Variants in ZNF486 observed in about 807,000 individuals in gnomAD.
ZNF486 encodes zinc finger protein 486, also known as KRAB box only protein 2.
In ZNF486, 12 loss-of-function variants were observed where a neutral mutation model predicts 12.8. The ratio of observed to expected loss-of-function variants is 0.94; its 90% CI spans 0.60 to 1.52. The LOEUF (loss-of-function observed/expected upper bound fraction) is 1.52. ZNF486 is among the 40% of genes most tolerant of loss of function. The probability of loss-of-function intolerance (pLI) is 0.00; values close to 1 mark genes in which losing one functional copy is unlikely to be tolerated. For synonymous variants in ZNF486, 231 were observed against 184.9 expected, an observed-to-expected ratio of 1.25 and a Z score of -2.02; for missense variants, 738 against 545.0, an observed-to-expected ratio of 1.35 and a Z score of -3.53.
At position 20,198,092 on chromosome 19, in the gene ZNF486, C is replaced by A; in HGVS notation, c.1382C>A (p.Pro461Gln). The stretch of plus-strand genomic sequence containing the variant: ...AAGAGAATTCATATTGGACAGAAAC[C>A]AAGAACGTGACAAAGGATTATTTTA... ...KHKRIHIGQK[P>Q]RT Residue 461 changes from proline to glutamine, a missense_variant, in exon 4 of 4, where the codon CCA becomes CAA. Physicochemically the swap from Pro to Gln is moderately conservative, Grantham distance 76 (BLOSUM62 -1). Transcript: ENST00000335117. The A allele has an allele frequency of 6.3e-7, 1 of 1,581,938 alleles. No individual in the cohort carries two copies. Among genetic ancestry groups the A allele is most frequent in the Admixed American group, 1.9e-5 (1 of 53,596 alleles).
intron 1 of ZNF486, among the ~76,000 whole-genome samples, chr19:20,181,470 C>T (rs1310926990): frequency 6.7e-6 from 1 of 149,508 alleles, no homozygotes; most frequent in Admixed American, 6.8e-5. Context: ...ACCCAGGAGG[C>T]GGAGCTTGCA....
intron 1 of ZNF486, chr19:20,176,168 C>CTGCAATCTCGGTACTTTGGGAG: frequency 6.4e-6 from 1 of 155,594 alleles, no homozygotes; most frequent in East Asian, 1.8e-4. Flanking sequence ...TGGGCAGAGG[C>CTGCAATCTCGGTACTTTGGGAG]GCTCCTCATA....
At chr19:20,182,211 C>A (rs1555715689) in intron 1 of ZNF486, among the ~76,000 whole-genome samples, 1 of 152,180 alleles carries the variant, frequency 6.6e-6, no homozygotes, top group Non-Finnish European at 1.5e-5. Flanking sequence ...CAAGGGGAAG[C>A]AACTTCAGCA....
chr19:20,178,228 A>C (rs2089744701), intron 1 of ZNF486, among the ~76,000 whole-genome samples: 1 of 151,338 alleles, frequency 6.6e-6, no homozygotes. Context: ...ATGTCCAGCG[A>C]AGAAAATTGT....
At chr19:20,189,968 A>T (rs911576281) in intron 3 of ZNF486, among the ~76,000 whole-genome samples, 11 of 152,168 alleles carry the variant, frequency 7.2e-5, no homozygotes, top group Admixed American at 2.6e-4. Context: ...TTTTGTTTAA[A>T]ATATATTTTT....
chr19:20,197,867 C>A lies in ZNF486; in HGVS notation c.1157C>A (p.Ala386Asp), dbSNP rs371796103. ...TACAAATGTGAAGAATGTGGCAAAG[C>A]CTTTACATGGTCTGCAGGCCTCCAT... ...KPYKCEECGK[A>D]FTWSAGLHKH... The change falls in exon 4 of 4, where the codon GCC (alanine) becomes GAC (aspartate). Residue 386 changes from alanine (A) to aspartate (D), a missense_variant. Transcript: ENST00000335117. 5 of 1,613,148 alleles carry A rather than the reference C, an allele frequency of 3.1e-6. No homozygotes were observed. Among genetic ancestry groups the A allele is most frequent in the Middle Eastern group, 3.3e-4 (2 of 6,078 alleles).
intron 1 of ZNF486, among the ~76,000 whole-genome samples, chr19:20,167,571 C>G (rs1469224628): frequency 6.6e-6 from 1 of 152,186 alleles, no homozygotes; most frequent in East Asian, 1.9e-4. Flanking sequence ...GCGCAGTGAC[C>G]GTGCCCTGGC....
chr19:20,173,839 A>G (rs929363716), intron 1 of ZNF486, among the ~76,000 whole-genome samples: 10 of 152,044 alleles, frequency 6.6e-5, no homozygotes, highest in African/African-American at 2.4e-4. Context: ...CTCAAAAAAA[A>G]AAAAACTTCC....
At chr19:20,172,268 G>T (rs1213793354) in intron 1 of ZNF486, among the ~76,000 whole-genome samples, 2 of 151,732 alleles carry the variant, frequency 1.3e-5, no homozygotes, top group African/African-American at 4.9e-5. Flanking sequence ...CTCCCAAAGT[G>T]TTGGGATTAC....
In ZNF486 at chr19:20,198,167, A is replaced by T; in HGVS notation, c.*65A>T. ...ATTCTGCTGTTGTTTCCCAGGCTGG[A>T]GTGCAATGGCATAATTTTGGCTCAC... On this transcript the variant is annotated 3_prime_UTR_variant, in exon 4 of 4. Transcript: ENST00000335117. 1 of 1,427,744 alleles carries T rather than the reference A, an allele frequency of 7.0e-7. No homozygotes were observed. Among genetic ancestry groups the T allele is most frequent in the East Asian group, 2.5e-5 (1 of 40,272 alleles). 88.4% of individuals were successfully genotyped at this position (1,427,744 alleles called of 1,614,324 possible). A position where few individuals can be genotyped will look rare whatever the true frequency, so the allele number is the denominator to read the frequency against.
intron 3 of ZNF486, chr19:20,188,414 T>G (rs1009836744): frequency 1.8e-5 from 7 of 398,470 alleles, no homozygotes; most frequent in Non-Finnish European, 3.1e-5. Context: ...GGCATGGTTG[T>G]GGCTCCCATC....
At chr19:20,177,095 G>A (rs2089727478) in intron 1 of ZNF486, 1 of 152,260 alleles carries the variant, frequency 6.6e-6, no homozygotes, top group Non-Finnish European at 1.5e-5. Context: ...TGACACTAGA[G>A]TGCTGCTGTG....
chr19:20,168,021 C>T (rs1423276262), intron 1 of ZNF486, among the ~76,000 whole-genome samples: 1 of 151,844 alleles, frequency 6.6e-6, no homozygotes, highest in Non-Finnish European at 1.5e-5. Flanking sequence ...GGTCTGACCC[C>T]AGCCAATAGG....
rs1465699756 is a variant in ZNF486, at chr19:20,194,272, T to G, written c.254-2692T>G. On this transcript the variant is annotated intron_variant, in intron 3 of 3. Transcript: ENST00000335117. ...TCTTTGATGTGTATGGTGTATGCAG[T>G]GCCAATATACTTTCTCAGGATTTGG... Among the ~76,000 whole-genome samples, 6 of 152,260 alleles carry G rather than the reference T, an allele frequency of 3.9e-5. No homozygotes were observed. In the South Asian group the frequency reaches 6.2e-4, roughly 16 times the overall value.
intron 1 of ZNF486, among the ~76,000 whole-genome samples, chr19:20,168,066 A>G (rs2089604641): frequency 6.6e-6 from 1 of 151,208 alleles, no homozygotes; most frequent in South Asian, 2.1e-4. Context: ...CGTTGGGGTT[A>G]AAAACCCATT....
At chr19:20,191,870 AT>A (rs1206229191) in intron 3 of ZNF486, among the ~76,000 whole-genome samples, 1 of 152,012 alleles carries the variant, frequency 6.6e-6, no homozygotes, top group Non-Finnish European at 1.5e-5. Flanking sequence ...TCTGTTTCTC[AT>A]TTTTTCTCTG....
Position 20,197,784 on chromosome 19 carries a change from C to G in ZNF486, c.1074C>G (p.Ala358=). ...KPYKCEECGK[A]FTRSSHLTMH... ...ACAAATGTGAAGAATGTGGCAAAGC[C>G]TTCACCCGCTCCTCACACCTTACTA... The change falls in exon 4 of 4, where the codon GCC becomes GCG. Residue 358 remains alanine (A), a synonymous_variant. Transcript: ENST00000335117. The G allele has an allele frequency of 1.9e-6, 3 of 1,612,856 alleles. No homozygotes were observed. Among genetic ancestry groups the G allele is most frequent in the Non-Finnish European group, 2.5e-6 (3 of 1,179,626 alleles).
chr19:20,188,436 G>C, intron 3 of ZNF486: 1 of 398,422 alleles, frequency 2.5e-6, no homozygotes, highest in Non-Finnish European at 4.4e-6. Flanking sequence ...GTAATCCCAG[G>C]ATTTTGGGAG....
intron 1 of ZNF486, among the ~76,000 whole-genome samples, chr19:20,172,074 G>A (rs782670426): frequency 5.3e-5 from 8 of 151,380 alleles, no homozygotes; most frequent in Non-Finnish European, 7.4e-5. Flanking sequence ...GTGCAACCTC[G>A]GCTCACCACA....
Sources: allele counts gnomAD v4.1 joint callset (sites outside exome capture counted in the v4.1 genomes callset), GRCh38; gene constraint gnomAD v4.1.1; transcripts MANE v1.5; gene names NCBI Gene and HGNC (gene_info 2026-07-23, HGNC 2026-07-21).